The following HNRNPF variants were observed in gnomAD, a reference collection of about 807,000 sequenced individuals.
HNRNPF encodes the protein HnRNP F protein.
A neutral mutation model predicts 26.0 loss-of-function variants in HNRNPF; 2 were observed. The ratio of observed to expected loss-of-function variants is 0.08; its 90% CI spans 0.03 to 0.24. The LOEUF (loss-of-function observed/expected upper bound fraction) is 0.24, where lower values mean the gene tolerates loss of function less well. Among genes scored for constraint, HNRNPF ranks in the 10% least tolerant of loss-of-function variants. HNRNPF has a pLI of 1.00. For synonymous variants in HNRNPF, 234 were observed against 211.5 expected, an observed-to-expected ratio of 1.11 and a Z score of -0.92; for missense variants, 299 against 539.2, an observed-to-expected ratio of 0.55 and a Z score of 4.41.
Position 43,404,839 on chromosome 10 carries a change from C to T in HNRNPF, c.-247+4292G>A, listed in dbSNP as rs376122384. 1.1e-4 allele frequency among the ~76,000 whole-genome samples: 16 copies of T among 152,172 alleles called. No homozygotes were observed. The East Asian group carries it at 2.9e-3, about 28-fold the overall frequency. On this transcript the variant is annotated intron_variant, in intron 1 of 3. Coordinates refer to ENST00000682386, the MANE Select transcript of HNRNPF (RefSeq NM_001098204.2). ...CTCCGTCTCAAAAACAAAAATAAAA[C>T]CAAAACCAAAAACTACCTCTAGAGG...
chr10:43,389,630 A>G (rs1016915925), intron 3 of HNRNPF, among the ~76,000 whole-genome samples: 4 of 152,254 alleles, frequency 2.6e-5, no homozygotes, highest in Non-Finnish European at 5.9e-5. Flanking sequence ...CAGATTATAA[A>G]GATAACAAGA....
chr10:43,401,081 CAA>C (rs59546346), intron 1 of HNRNPF, among the ~76,000 whole-genome samples: 17 of 140,760 alleles, frequency 1.2e-4, no homozygotes, highest in Admixed American at 2.9e-4. Flanking sequence ...GACTCCGTCT[CAA>C]AAAAAAAAAA....
chr10:43,395,915 A>G (rs551184889), intron 2 of HNRNPF, among the ~76,000 whole-genome samples: 1 of 152,154 alleles, frequency 6.6e-6, no homozygotes, highest in African/African-American at 2.4e-5. Flanking sequence ...ACGCAGAGGA[A>G]GAGTCTGGTC....
chr10:43,406,862 A>T (rs547535407), intron 1 of HNRNPF, among the ~76,000 whole-genome samples: 1 of 152,208 alleles, frequency 6.6e-6, no homozygotes, highest in African/African-American at 2.4e-5. Context: ...CCTACAAGGG[A>T]AAAGATCTTC....
intron 2 of HNRNPF, among the ~76,000 whole-genome samples, chr10:43,395,967 G>T (rs1223057716): frequency 2.0e-5 from 3 of 152,178 alleles, no homozygotes; most frequent in Admixed American, 6.5e-5. Context: ...GGCGGGGAGG[G>T]CTGCTCAGCT....
At chr10:43,392,947 T>G (rs1396379444) in intron 3 of HNRNPF, among the ~76,000 whole-genome samples, 1 of 152,166 alleles carries the variant, frequency 6.6e-6, no homozygotes, top group South Asian at 2.1e-4. Flanking sequence ...AATAGCAACA[T>G]GACTGCCCCT....
chr10:43,387,175 C>T lies in HNRNPF; in HGVS notation c.710G>A (p.Ser237Asn), dbSNP rs1221781208. The change falls in exon 4 of 4, where the codon AGC becomes AAC. Residue 237 changes from serine to asparagine, a missense_variant. Physicochemically the swap from Ser to Asn is conservative, Grantham distance 46. Coordinates refer to ENST00000682386, the MANE Select transcript of HNRNPF (RefSeq NM_001098204.2). This position sits in a 1 kb window ranked among gnomAD's most constrained non-coding sequence, Gnocchi z 6.0. ...CTCCTCGTAGCCCCCGTAGCCTGTGCTGTAGGCACCAGGCCTCATCCTTTC... is the reference window on the plus strand; with the variant it reads ...CTCCTCGTAGCCCCCGTAGCCTGTGTTGTAGGCACCAGGCCTCATCCTTTC... ...GLERMRPGAYSTGYGGYEEYS... is the reference protein window; with the variant it reads ...GLERMRPGAYNTGYGGYEEYS... The T allele has an allele frequency of 6.2e-7, 1 of 1,614,070 alleles. No homozygotes were observed. Among genetic ancestry groups the T allele is most frequent in the Non-Finnish European group, 8.5e-7 (1 of 1,180,038 alleles).
Position 43,387,909 on chromosome 10 carries a change from G to A in HNRNPF, c.-25C>T. 6.5e-7 allele frequency: 1 copy of A among 1,532,442 alleles called. No homozygotes were observed. The highest frequency in any genetic ancestry group is 8.8e-7 in the Non-Finnish European group (1 of 1,135,586). 94.9% of individuals were successfully genotyped at this position (1,532,442 alleles called of 1,614,324 possible). A position where few individuals can be genotyped will look rare whatever the true frequency, so the allele number is the denominator to read the frequency against. ...TGGACACTTGTCAGGGTGGGTGTCAGGTGATCTTGGGTGTGGCTTTTTTGT... is the reference window on the plus strand; with the variant it reads ...TGGACACTTGTCAGGGTGGGTGTCAAGTGATCTTGGGTGTGGCTTTTTTGT... On this transcript the variant is annotated 5_prime_UTR_variant, in exon 4 of 4. Coordinates refer to ENST00000682386, the MANE Select transcript of HNRNPF (RefSeq NM_001098204.2). This position sits in a 1 kb window ranked among gnomAD's most constrained non-coding sequence, Gnocchi z 6.0.
intron 1 of HNRNPF, among the ~76,000 whole-genome samples, chr10:43,398,369 T>TC (rs1387216545): frequency 7.3e-6 from 1 of 137,732 alleles, no homozygotes; most frequent in Non-Finnish European, 1.5e-5. Context: ...TGAGAGACAG[T>TC]CTTGCTCTGT....
chr10:43,404,570 C>A (rs1357837595), intron 1 of HNRNPF, among the ~76,000 whole-genome samples: 1 of 151,968 alleles, frequency 6.6e-6, no homozygotes, highest in Non-Finnish European at 1.5e-5. Context: ...ATCAAAACTA[C>A]CTCCAGACTG....
intron 2 of HNRNPF, among the ~76,000 whole-genome samples, chr10:43,395,414 G>A (rs959949026): frequency 6.6e-6 from 1 of 152,148 alleles, no homozygotes; most frequent in Non-Finnish European, 1.5e-5. Context: ...TGCCCCAAAG[G>A]ACTAGGACAC....
chr10:43,386,555 G>A lies in HNRNPF; in HGVS notation c.*82C>T. The A allele has an allele frequency of 2.3e-6, 3 of 1,318,730 alleles. No individual in the cohort carries two copies. Among genetic ancestry groups the A allele is most frequent in the Non-Finnish European group, 3.0e-6 (3 of 991,284 alleles). 81.7% of individuals were successfully genotyped at this position (1,318,730 alleles called of 1,614,324 possible). ...CTCATGGTGCAAAATGGGTCCCCCA[G>A]CTTCCTCTATTATAACTGCTCTTAA... On this transcript the variant is annotated 3_prime_UTR_variant, in exon 4 of 4. Coordinates refer to ENST00000682386, the MANE Select transcript of HNRNPF (RefSeq NM_001098204.2).
In HNRNPF at chr10:43,391,753, G is replaced by A. The variant is rs145869475; in HGVS notation, c.-53+2877C>T. ...CTCTGGGTCCAACCTCACATACCCCGGAGCCATGCTTTCTTCTTTTTTTCC... is the reference window on the plus strand; with the variant it reads ...CTCTGGGTCCAACCTCACATACCCCAGAGCCATGCTTTCTTCTTTTTTTCC... On this transcript the variant is annotated intron_variant, in intron 3 of 3. Transcript: ENST00000682386. Among the ~76,000 whole-genome samples, 968 of 152,204 alleles carry A rather than the reference G, an allele frequency of 6.4e-3. 10 individuals are homozygous for A. The highest frequency in any genetic ancestry group is 0.022 in the African/African-American group (920 of 41,510).
chr10:43,388,149 G>C (rs1160766929), intron 3 of HNRNPF, among the ~76,000 whole-genome samples: 1 of 152,240 alleles, frequency 6.6e-6, no homozygotes, highest in South Asian at 2.1e-4. Context: ...ATGTGAATGT[G>C]GTGCCTTGAA....
chr10:43,408,910 T>C (rs1184530720), intron 1 of HNRNPF: 1 of 151,868 alleles, frequency 6.6e-6, no homozygotes, highest in Non-Finnish European at 1.5e-5. Flanking sequence ...AGGGGCGGGG[T>C]CAGGCGCGCT....
intron 2 of HNRNPF, among the ~76,000 whole-genome samples, chr10:43,396,164 G>C (rs1287711708): frequency 6.6e-6 from 1 of 152,250 alleles, no homozygotes; most frequent in Non-Finnish European, 1.5e-5. Flanking sequence ...TTCAGGCAGA[G>C]CCAATCAAGA....
intron 3 of HNRNPF, among the ~76,000 whole-genome samples, chr10:43,391,808 A>C (rs562861798): frequency 1.3e-5 from 2 of 152,108 alleles, no homozygotes; most frequent in East Asian, 3.9e-4. Context: ...AGCCCTGTCT[A>C]CTTGGTAATT....
rs1213021034 is a variant in HNRNPF, at chr10:43,387,190, C to G, written c.695G>C (p.Arg232Thr). Residue 232 changes from arginine (R) to threonine (T), a missense_variant, in exon 4 of 4, where the codon AGG (arginine) becomes ACG (threonine). Transcript: ENST00000682386. This position sits in a 1 kb window ranked among gnomAD's most constrained non-coding sequence, Gnocchi z 6.0. Reference protein sequence around the residue: ...IVKQAGLERMRPGAYSTGYGG... With the variant: ...IVKQAGLERMTPGAYSTGYGG... Reference sequence around the variant, plus strand: ...GTAGCCTGTGCTGTAGGCACCAGGCCTCATCCTTTCCAGGCCTGCCTGCTT... The same window carrying G: ...GTAGCCTGTGCTGTAGGCACCAGGCGTCATCCTTTCCAGGCCTGCCTGCTT... The G allele has an allele frequency of 3.1e-6, 5 of 1,614,092 alleles. No individual in the cohort carries two copies. Among genetic ancestry groups the G allele is most frequent in the Non-Finnish European group, 4.2e-6 (5 of 1,180,040 alleles).
intron 2 of HNRNPF, among the ~76,000 whole-genome samples, chr10:43,394,892 GGAAACGCCTTATT>G (rs1251420761): frequency 6.6e-6 from 1 of 151,684 alleles, no homozygotes; most frequent in Non-Finnish European, 1.5e-5. Context: ...ACAACAAAAG[GGAAACGCCTTATT>G]GATCTTGATG....
Sources: gnomAD v4.1 joint callset for allele counts (sites outside exome capture counted in the v4.1 genomes callset) on GRCh38, gnomAD v4.1.1 for gene constraint, Gnocchi (gnomAD v3.1) non-coding constraint, MANE v1.5 for transcripts, NCBI Gene and HGNC (gene_info 2026-07-23, HGNC 2026-07-21) for gene names.